Variants in RBFOX2 observed in about 807,000 individuals in gnomAD.
RBFOX2 encodes RNA binding protein fox-1 homolog 2.
Under a neutral mutation model 49.1 loss-of-function variants are expected in RBFOX2, and 10 were observed. The observed-to-expected ratio is 0.20, with a 90% CI of 0.13 to 0.35. RBFOX2 has a LOEUF of 0.35. Ranked by LOEUF, RBFOX2 falls within the 10% of genes least tolerant of loss-of-function variation. The pLI, the probability that RBFOX2 is intolerant of heterozygous loss-of-function variation, is 1.00. For synonymous variants in RBFOX2, 183 were observed against 187.4 expected (o/e 0.98, Z 0.19); for missense variants, 323 against 486.9 (o/e 0.66, Z 3.17).
At chr22:35,935,060 G>A (rs565776160) in intron 1 of RBFOX2, among the ~76,000 whole-genome samples, 1 of 151,938 alleles carries the variant, frequency 6.6e-6, no homozygotes, top group African/African-American at 2.4e-5. Flanking sequence ...TCAGCCTCCC[G>A]AGTAGCTGGG....
chr22:35,757,250 G>C lies in RBFOX2; in HGVS notation c.887+2638C>G, dbSNP rs550580612. On this transcript the variant is annotated intron_variant, in intron 9 of 11. Transcript: ENST00000405409. ...AAAAAAAAAAAAAAACAAAACCTAAGCAACACTATATTCTTAAGTATAGAT... is the reference window on the plus strand; with the variant it reads ...AAAAAAAAAAAAAAACAAAACCTAACCAACACTATATTCTTAAGTATAGAT... 3.3e-5 allele frequency among the ~76,000 whole-genome samples: 5 copies of C among 149,632 alleles called. No individual in the cohort carries two copies. In the East Asian group the frequency reaches 9.8e-4, roughly 29 times the overall value.
chr22:35,817,384 C>G (rs1204773456), intron 1 of RBFOX2, among the ~76,000 whole-genome samples: 1 of 151,770 alleles, frequency 6.6e-6, no homozygotes, highest in South Asian at 2.1e-4. Flanking sequence ...GGCTGAAGCA[C>G]GAGAATCACT....
intron 1 of RBFOX2, among the ~76,000 whole-genome samples, chr22:35,921,094 A>G (rs1033290616): frequency 6.6e-6 from 1 of 152,238 alleles, no homozygotes; most frequent in African/African-American, 2.4e-5. Context: ...ACCAGCCACT[A>G]TAGTATGGCT....
chr22:35,897,060 TAAG>T (rs1323680611), intron 1 of RBFOX2, among the ~76,000 whole-genome samples: 2 of 152,256 alleles, frequency 1.3e-5, no homozygotes, highest in Non-Finnish European at 2.9e-5. Context: ...ATTACACTGA[TAAG>T]AGATTCATTT....
intron 1 of RBFOX2, among the ~76,000 whole-genome samples, chr22:35,855,303 A>C (rs2042386857): frequency 6.6e-6 from 1 of 152,166 alleles, no homozygotes; most frequent in African/African-American, 2.4e-5. Flanking sequence ...GGATGCTTTT[A>C]TAGTATTAAA....
intron 1 of RBFOX2, among the ~76,000 whole-genome samples, chr22:35,827,318 G>C (rs1955969482): frequency 6.6e-6 from 1 of 152,156 alleles, no homozygotes; most frequent in Admixed American, 6.5e-5. Flanking sequence ...AGATTTGCAA[G>C]GGCAGGTAAT....
rs566610446 is a variant in RBFOX2, at chr22:35,953,074, G to C, written c.42+8489C>G. ...AAAATACAAAAAATTAGCTGGGCCTGGTGGCGGGTGCCTGTAGTTCCAGCT... is the reference window on the plus strand; with the variant it reads ...AAAATACAAAAAATTAGCTGGGCCTCGTGGCGGGTGCCTGTAGTTCCAGCT... On this transcript the variant is annotated intron_variant, in intron 1 of 5. Transcript: ENST00000408983. 4.6e-5 allele frequency among the ~76,000 whole-genome samples: 7 copies of C among 152,042 alleles called. No homozygotes were observed. The South Asian group carries it at 6.3e-4, about 14-fold the overall frequency.
rs1932876774 is a variant in RBFOX2, at chr22:35,746,704, T to C, written c.888-143A>G. The C allele has an allele frequency of 1.2e-5, 5 of 430,924 alleles. No homozygotes were observed. In the South Asian group the frequency reaches 3.9e-4, roughly 34 times the overall value. The allele number at this position is 430,924 out of a possible 1,614,324, so 26.7% of individuals were successfully genotyped here. On this transcript the variant is annotated intron_variant, in intron 9 of 11. Coordinates refer to ENST00000405409, the Ensembl canonical transcript of RBFOX2. Reference sequence around the variant, plus strand: ...TAGACACACACATGGGAAGAAAATGTTTCAAACTGCATCAGTCTGCATGTT... The same window carrying C: ...TAGACACACACATGGGAAGAAAATGCTTCAAACTGCATCAGTCTGCATGTT...
intron 1 of RBFOX2, among the ~76,000 whole-genome samples, chr22:35,927,668 C>A (rs2051829760): frequency 6.7e-6 from 1 of 148,378 alleles, no homozygotes; most frequent in Non-Finnish European, 1.5e-5. Context: ...AGAAACAGAG[C>A]TGGAAAAATG....
chr22:36,027,520 T>A (rs576950367), intron 1 of RBFOX2, among the ~76,000 whole-genome samples: 42 of 152,194 alleles, frequency 2.8e-4, no homozygotes, highest in African/African-American at 6.0e-4. Context: ...TATAAAAAAA[T>A]TTTTTTTATA....
intron 1 of RBFOX2, among the ~76,000 whole-genome samples, chr22:35,846,660 C>T (rs1465909432): frequency 1.3e-5 from 2 of 151,914 alleles, no homozygotes; most frequent in Admixed American, 1.3e-4. Context: ...GAGGCTGAGG[C>T]AGGAGAACTG....
chr22:36,017,865 T>A (rs200091372), intron 1 of RBFOX2, among the ~76,000 whole-genome samples: 2 of 152,244 alleles, frequency 1.3e-5, no homozygotes, highest in East Asian at 3.8e-4. Context: ...CAGGTTGCTA[T>A]GCCTACCCAA....
rs146812611 is a variant in RBFOX2, at chr22:35,757,302, C to T, written c.887+2586G>A. 3.4e-3 allele frequency among the ~76,000 whole-genome samples: 511 copies of T among 151,234 alleles called. 1 individual carries two copies. The highest frequency in any genetic ancestry group is 0.011 in the African/African-American group (451 of 41,240). ...TCCAACCTTCTGAGGTACCTTTGTGCATACAGACTTATACAGACTTTCCCC... is the reference window on the plus strand; with the variant it reads ...TCCAACCTTCTGAGGTACCTTTGTGTATACAGACTTATACAGACTTTCCCC... On this transcript the variant is annotated intron_variant, in intron 9 of 11. Transcript: ENST00000405409.
intron 1 of RBFOX2, among the ~76,000 whole-genome samples, chr22:35,877,588 G>A (rs1373759988): frequency 2.6e-5 from 4 of 152,094 alleles, no homozygotes; most frequent in African/African-American, 4.8e-5. Context: ...TTCTGAGAGC[G>A]TTACATGGCT....
intron 1 of RBFOX2, among the ~76,000 whole-genome samples, chr22:35,960,313 CAT>C (rs2056058671): frequency 6.6e-6 from 1 of 152,140 alleles, no homozygotes; most frequent in African/African-American, 2.4e-5. Context: ...CCATTTTACA[CAT>C]GAGGAAGCCA....
intron 1 of RBFOX2, among the ~76,000 whole-genome samples, chr22:35,937,444 C>A (rs1343314901): frequency 6.6e-6 from 1 of 152,162 alleles, no homozygotes; most frequent in East Asian, 1.9e-4. Context: ...TCTCCCGATG[C>A]CTTATCTGGG....
intron 1 of RBFOX2, among the ~76,000 whole-genome samples, chr22:35,885,535 G>A (rs555701922): frequency 1.5e-4 from 23 of 152,246 alleles, no homozygotes; most frequent in South Asian, 6.2e-4. Context: ...TGTAACTAGC[G>A]TATGATGAGA....
At chr22:35,738,977 A>C (rs1323375150) in exon 12 of RBFOX2, 1 of 152,692 alleles carries the variant, frequency 6.5e-6, no homozygotes, top group Non-Finnish European at 1.5e-5. Context: ...TCTGAAAGCT[A>C]CTATACAATA....
intron 1 of RBFOX2, among the ~76,000 whole-genome samples, chr22:35,977,567 T>C (rs2057233868): frequency 6.6e-6 from 1 of 151,836 alleles, no homozygotes; most frequent in Admixed American, 6.6e-5. Flanking sequence ...GAGAACTAAC[T>C]GTGAAAGAGC....
Sources: allele counts gnomAD v4.1 joint callset (sites outside exome capture counted in the v4.1 genomes callset), GRCh38; gene constraint gnomAD v4.1.1; transcripts MANE v1.5; gene names NCBI Gene and HGNC (gene_info 2026-07-23, HGNC 2026-07-21).